Variants in SNRPN observed in about 807,000 individuals in gnomAD.
SNRPN encodes small nuclear ribonucleoprotein polypeptide N.
SNRPN carries 7 observed loss-of-function variants against 25.2 expected under a neutral mutation model. The ratio of observed to expected loss-of-function variants is 0.28; its 90% confidence interval spans 0.16 to 0.52. The LOEUF is 0.52. SNRPN is among the 20% of genes least tolerant of loss of function. The pLI is 0.96. For missense variants in SNRPN, 196 were observed against 322.5 expected, an observed-to-expected ratio of 0.61 and a Z score of 3.00; for synonymous variants, 124 against 110.6, an observed-to-expected ratio of 1.12 and a Z score of -0.76.
rs1257439066 is a variant in SNRPN, at chr15:24,962,156, A to G, written c.-348A>G. The G allele has an allele frequency of 1.9e-6, 3 of 1,614,072 alleles. No homozygotes were observed. Among genetic ancestry groups the G allele is most frequent in the East Asian group, 2.2e-5 (1 of 44,870 alleles). ...GACGAACTACAGAACAGCACGTACCAGAGGTGGAAGTCCAAGTCAAACGCA... is the reference window on the plus strand; with the variant it reads ...GACGAACTACAGAACAGCACGTACCGGAGGTGGAAGTCCAAGTCAAACGCA... On this transcript the variant is annotated 5_prime_UTR_variant, in exon 2 of 10. Transcript: ENST00000390687.
At chr15:24,936,086 G>A (rs999161003) in intron 3 of SNRPN, among the ~76,000 whole-genome samples, 6 of 151,190 alleles carry the variant, frequency 4.0e-5, no homozygotes, top group Non-Finnish European at 7.4e-5. Flanking sequence ...CTGCACTCCC[G>A]CCTGGGCAAC....
At chr15:24,945,827 G>C (rs2153119752) in intron 3 of SNRPN, among the ~76,000 whole-genome samples, 2 of 152,250 alleles carry the variant, frequency 1.3e-5, no homozygotes, top group Middle Eastern at 6.8e-3. Context: ...AGGCGGGAGA[G>C]GAGAAATTCA....
At chr15:24,844,405 C>A (rs1287116598) in intron 2 of SNRPN, among the ~76,000 whole-genome samples, 1 of 152,148 alleles carries the variant, frequency 6.6e-6, no homozygotes, top group South Asian at 2.1e-4. Context: ...TTTGATATGA[C>A]CTACATCTGT....
intron 2 of SNRPN, among the ~76,000 whole-genome samples, chr15:24,911,380 C>T (rs1046948404): frequency 2.6e-5 from 4 of 152,066 alleles, no homozygotes; most frequent in South Asian, 2.1e-4. Context: ...CTGAGAATGC[C>T]ACAACCATCA....
upstream of SNRPN, among the ~76,000 whole-genome samples, chr15:24,950,151 A>T (rs1008396555): frequency 2.0e-5 from 3 of 151,442 alleles, no homozygotes; most frequent in Non-Finnish European, 4.4e-5. Flanking sequence ...TCATCAGTTG[A>T]TGAGCATTTG....
chr15:24,908,696 GTT>G (rs34344794), intron 2 of SNRPN, among the ~76,000 whole-genome samples: 2 of 151,914 alleles, frequency 1.3e-5, no homozygotes, highest in African/African-American at 2.4e-5. Context: ...AAAGTTACAA[GTT>G]TTTTTCTAGT....
intron 1 of SNRPN, among the ~76,000 whole-genome samples, chr15:24,825,287 CT>C (rs371577116): frequency 0.18 from 26,936 of 151,544 alleles, 3,021 homozygotes; most frequent in East Asian, 0.41. Context: ...TTAAATTTCA[CT>C]ACAAATTTAG....
At chr15:24,954,935 A>G, upstream of SNRPN, 2 of 1,487,172 alleles carry the variant, frequency 1.3e-6, no homozygotes, top group Admixed American at 1.9e-5. Flanking sequence ...GCTGGCGCGC[A>G]TGCTCAGGCG....
At chr15:24,977,720 T>A in intron 7 of SNRPN, 58 bp from the exon 8 acceptor site, 1 of 1,477,022 alleles carries the variant, frequency 6.8e-7, no homozygotes, top group Admixed American at 2.2e-5. Context: ...TTATTTTCTG[T>A]GTTTGAATAA....
intron 3 of SNRPN, among the ~76,000 whole-genome samples, chr15:24,939,751 G>GA (rs1191038818): frequency 0.053 from 2,537 of 48,144 alleles, 72 homozygotes; most frequent in African/African-American, 0.2. Context: ...TTTAAAATCA[G>GA]GTTTTTTTTT....
upstream of SNRPN, among the ~76,000 whole-genome samples, chr15:24,953,636 G>T (rs1459475660): frequency 4.6e-5 from 7 of 152,040 alleles, no homozygotes; most frequent in Admixed American, 4.6e-4. Context: ...TTTATTTTTC[G>T]ATTGACTCCC....
chr15:24,911,203 G>T, intron 2 of SNRPN: 1 of 469,644 alleles, frequency 2.1e-6, no homozygotes, highest in South Asian at 6.0e-5. Context: ...ATAAAGATTT[G>T]GAAAATTAAC....
intron 3 of SNRPN, among the ~76,000 whole-genome samples, chr15:24,924,848 A>G (rs944367297): frequency 6.6e-6 from 1 of 152,098 alleles, no homozygotes; most frequent in African/African-American, 2.4e-5. Flanking sequence ...GCAGGAAGAA[A>G]GAAAAGAATA....
intron 1 of SNRPN, among the ~76,000 whole-genome samples, chr15:24,868,251 C>T (rs577381936): frequency 1.9e-4 from 29 of 152,218 alleles, no homozygotes; most frequent in African/African-American, 5.1e-4. Flanking sequence ...AGGCAACTCA[C>T]ACTACTTGTG....
intron 3 of SNRPN, among the ~76,000 whole-genome samples, chr15:24,930,915 A>T (rs2060805345): frequency 6.6e-6 from 1 of 151,574 alleles, no homozygotes; most frequent in South Asian, 2.1e-4. Flanking sequence ...AAAAAAAAAA[A>T]ATTAGCCAGG....
chr15:24,913,430 G>T (rs185644164), intron 2 of SNRPN, among the ~76,000 whole-genome samples: 10 of 152,088 alleles, frequency 6.6e-5, no homozygotes, highest in African/African-American at 1.7e-4. Context: ...ATCACTTGAG[G>T]TCAGGAGTTT....
rs139940420 is a variant in SNRPN at position 24,866,451 on chromosome 15, G to A, written c.-579+9735G>A. ...TCTCGCTCTGCACCTAGGCTGGAGT[G>A]CAGTGGTTTGATCACAGCTCACTGC... On this transcript the variant is annotated intron_variant, in intron 1 of 11. Coordinates refer to the SNRPN transcript ENST00000400097. Among the ~76,000 whole-genome samples, 72 of 152,196 alleles carry A rather than the reference G, an allele frequency of 4.7e-4. 1 individual carries two copies. In the East Asian group the frequency reaches 0.012, roughly 25 times the overall value.
chr15:24,834,751 C>CTCTCTCTCTCTATATA lies in SNRPN; in HGVS notation c.-579+4847_-579+4848insCTCTCTCTCTATATAT. On this transcript the variant is annotated intron_variant, in intron 2 of 12. Transcript: ENST00000400100. ...TCCCTCTCTCTCTCTCTCTCTCTCT[C>CTCTCTCTCTCTATATA]TATATATATATATATATATATATAT... 2.4e-3 allele frequency among the ~76,000 whole-genome samples: 144 copies of CTCTCTCTCTCTATATA among 60,932 alleles called. 1 individual carries two copies. Among genetic ancestry groups the CTCTCTCTCTCTATATA allele is most frequent in the Admixed American group, 4.5e-3 (21 of 4,656 alleles). The allele number at this position is 60,932 out of a possible 152,430, so 40.0% of individuals were successfully genotyped here.
At chr15:24,967,856 C>G in intron 2 of SNRPN, 76 bp from the exon 3 acceptor site, 1 of 1,127,690 alleles carries the variant, frequency 8.9e-7, no homozygotes, top group Admixed American at 1.7e-5. Context: ...GTAAGGGTAC[C>G]TAGTTTTCTT....
Sources: gnomAD v4.1 joint callset for allele counts (sites outside exome capture counted in the v4.1 genomes callset) on GRCh38, gnomAD v4.1.1 for gene constraint, MANE v1.5 for transcripts, NCBI Gene and HGNC (gene_info 2026-07-23, HGNC 2026-07-21) for gene names.